SLC3A2: variants seen among roughly 807,000 people sequenced by gnomAD.
SLC3A2 encodes amino acid transporter heavy chain SLC3A2.
Under a neutral mutation model 48.5 loss-of-function variants are expected in SLC3A2, and 32 were observed. The ratio of observed to expected loss-of-function variants is 0.66; its 90% CI spans 0.50 to 0.89. The LOEUF is 0.89. Among genes scored for constraint, SLC3A2 ranks in the 40% least tolerant of loss-of-function variants. SLC3A2 has a pLI of 0.00. For missense variants in SLC3A2, 587 were observed against 680.7 expected, an observed-to-expected ratio of 0.86 and a Z score of 1.53; for synonymous variants, 277 against 288.8, an observed-to-expected ratio of 0.96 and a Z score of 0.41.
intron 7 of SLC3A2, among the ~76,000 whole-genome samples, chr11:62,886,258 T>C (rs572428483): frequency 7.1e-4 from 108 of 151,284 alleles, no homozygotes; most frequent in African/African-American, 2.4e-3. Context: ...CACTGCACTT[T>C]AGCCTGGGCG....
At position 62,881,461 on chromosome 11, in the gene SLC3A2, G is replaced by A; in HGVS notation, c.424+14G>A. 3 of 1,563,940 alleles carry A rather than the reference G, an allele frequency of 1.9e-6. No homozygotes were observed. Among genetic ancestry groups the A allele is most frequent in the Non-Finnish European group, 1.7e-6 (2 of 1,163,046 alleles). ...GCAACCTGGCGGGTGAGTGCAGCGC[G>A]CCCCCGTCCCGGGTACCTCCGGTTG... On this transcript the variant is annotated intron_variant, in intron 1 of 8. Coordinates refer to ENST00000338663, the MANE Select transcript of SLC3A2 (RefSeq NM_001013251.3). This position sits in a 1 kb window ranked among gnomAD's most constrained non-coding sequence, Gnocchi z 4.0.
intron 1 of SLC3A2, among the ~76,000 whole-genome samples, chr11:62,874,486 C>T (rs959076412): frequency 6.6e-6 from 1 of 152,130 alleles, no homozygotes; most frequent in Non-Finnish European, 1.5e-5. Flanking sequence ...TATTTCTCTT[C>T]TCCTAAGAGA....
In SLC3A2 at chr11:62,860,344, ACAAAAAAAAAATTAGC is replaced by A. The variant is rs570570510; in HGVS notation, c.112+3965_112+3980del. Among the ~76,000 whole-genome samples, 11 of 151,934 alleles carry A rather than the reference ACAAAAAAAAAATTAGC, an allele frequency of 7.2e-5. 1 individual carries two copies. The South Asian group carries it at 2.3e-3, about 32-fold the overall frequency. Reference sequence around the variant, plus strand: ...GTGAAACCCCGTCTCTACTAAAAATACAAAAAAAAAATTAGCCGGGTGTGATGGCGTGCGCCTGTAG... The same window carrying A: ...GTGAAACCCCGTCTCTACTAAAAATACGGGTGTGATGGCGTGCGCCTGTAG... On this transcript the variant is annotated intron_variant, in intron 1 of 9. Transcript: ENST00000377889.
rs778725527 is a variant in SLC3A2, at chr11:62,888,657, C to T, written c.1554C>T (p.His518=). The T allele has an allele frequency of 6.9e-6, 11 of 1,603,068 alleles. No individual in the cohort carries two copies. The Admixed American group carries it at 8.3e-5, about 12-fold the overall frequency. The change falls in exon 9 of 9, where the codon CAC becomes CAT. Residue 518 remains histidine (H), a synonymous_variant. Coordinates refer to ENST00000338663, the MANE Select transcript of SLC3A2 (RefSeq NM_001013251.3). ...LELERLKLEP[H]EGLLLRFPYA... ...TGGAACGCCTGAAACTGGAGCCTCACGAAGGGCTGCTGCTCCGCTTCCCCT... is the reference window on the plus strand; with the variant it reads ...TGGAACGCCTGAAACTGGAGCCTCATGAAGGGCTGCTGCTCCGCTTCCCCT...
At position 62,885,594 on chromosome 11, in the gene SLC3A2, G is replaced by A; in HGVS notation, c.1129G>A (p.Ala377Thr). The A allele has an allele frequency of 1.2e-6, 2 of 1,614,166 alleles. No homozygotes were observed. Among genetic ancestry groups the A allele is most frequent in the Non-Finnish European group, 1.7e-6 (2 of 1,179,996 alleles). The change falls in exon 7 of 9, where the codon GCC (alanine) becomes ACC (threonine). Residue 377 changes from alanine (A) to threonine (T), a missense_variant. Coordinates refer to ENST00000338663, the MANE Select transcript of SLC3A2 (RefSeq NM_001013251.3). ...GGATGAGATTGGCCTGGATGCAGCT[G>A]CCCTTCCTGGACAGGTACTGCTTGC... ...YGDEIGLDAA[A>T]LPGQPMEAPV... is the part of the protein sequence containing the mutation.
At chr11:62,871,520 G>C in intron 1 of SLC3A2, 1 of 562,516 alleles carries the variant, frequency 1.8e-6, no homozygotes, top group Non-Finnish European at 3.2e-6. Context: ...GATTACAGGC[G>C]TGAGCCACTG....
At chr11:62,880,811 G>C (rs2085622928), upstream of SLC3A2, 5 of 1,040,182 alleles carry the variant, frequency 4.8e-6, no homozygotes, top group East Asian at 5.5e-5. Flanking sequence ...CCCACGGCTG[G>C]GGCAGTCCCC....
rs1242311667 is a variant in SLC3A2 at position 62,881,921 on chromosome 11, C to T, written c.453C>T (p.Ser151=). The stretch of plus-strand genomic sequence containing the variant: ...TGAAGGGGCGTCTCGATTACCTGAG[C>T]TCTCTGAAGGTGAAGGGCCTTGTGC... The part of the protein sequence containing the change: ...AGLKGRLDYL[S]SLKVKGLVLG... Residue 151 remains serine (S), a synonymous_variant, in exon 2 of 9, where the codon AGC becomes AGT. Transcript: ENST00000338663. The surrounding 1 kb of genome is among the most constrained non-coding windows in gnomAD (Gnocchi z 4.0). 4 of 1,613,998 alleles carry T rather than the reference C, an allele frequency of 2.5e-6. No individual in the cohort carries two copies. The highest frequency in any genetic ancestry group is 2.7e-5 in the African/African-American group (2 of 74,896).
chr11:62,872,200 C>T (rs1293158135), intron 1 of SLC3A2, among the ~76,000 whole-genome samples: 1 of 152,192 alleles, frequency 6.6e-6, no homozygotes, highest in Non-Finnish European at 1.5e-5. Context: ...AGGCGTAAGC[C>T]ACTGCACCTG....
chr11:62,881,549 C>G lies in SLC3A2; in HGVS notation c.424+102C>G, dbSNP rs1312055756. ...AGACGGATCTAGATGGTTCTTCCCT[C>G]CATCCCGTACCGACGACTGTTCCCC... On this transcript the variant is annotated intron_variant, in intron 1 of 8. Transcript: ENST00000338663. The surrounding 1 kb of genome is among the most constrained non-coding windows in gnomAD (Gnocchi z 4.0). The G allele has an allele frequency of 1.4e-6, 2 of 1,424,878 alleles. No individual in the cohort carries two copies. Among genetic ancestry groups the G allele is most frequent in the East Asian group, 5.0e-5 (2 of 39,812 alleles). 88.3% of individuals were successfully genotyped at this position (1,424,878 alleles called of 1,614,324 possible). A position where few individuals can be genotyped will look rare whatever the true frequency, so the allele number is the denominator to read the frequency against.
chr11:62,870,361 T>C (rs1446223338), intron 1 of SLC3A2, among the ~76,000 whole-genome samples: 6 of 151,696 alleles, frequency 4.0e-5, no homozygotes, highest in African/African-American at 1.2e-4. Flanking sequence ...TTTGTATTTT[T>C]AGTAGAGATG....
chr11:62,876,810 C>T (rs778806373), upstream of SLC3A2: 30 of 576,638 alleles, frequency 5.2e-5, no homozygotes, highest in Admixed American at 1.5e-4. Flanking sequence ...CCATGTTAGC[C>T]AGGCTGATAT....
At chr11:62,882,344 T>A (rs892804287) in intron 2 of SLC3A2, 4 of 347,852 alleles carry the variant, frequency 1.1e-5, no homozygotes, top group Non-Finnish European at 2.1e-5. Flanking sequence ...TTTAAACTTG[T>A]AAAACAGTAG....
chr11:62,886,564 G>C (rs1231390727), intron 7 of SLC3A2: 1 of 151,992 alleles, frequency 6.6e-6, no homozygotes, highest in Non-Finnish European at 1.5e-5. Flanking sequence ...ATGTACCATA[G>C]ATAGGTGCGT....
intron 1 of SLC3A2, among the ~76,000 whole-genome samples, chr11:62,868,612 G>T (rs1590622256): frequency 6.6e-6 from 1 of 151,444 alleles, no homozygotes; most frequent in African/African-American, 2.4e-5. Flanking sequence ...TGATCTGCCC[G>T]CCTCGGCCTC....
Position 62,864,100 on chromosome 11 carries a change from G to A in SLC3A2, c.112+7719G>A, listed in dbSNP as rs118046320. On this transcript the variant is annotated intron_variant, in intron 1 of 9. Coordinates refer to the SLC3A2 transcript ENST00000377889. ...TCTGGATGTGACAGACACCACACCC[G>A]TGCATTCTTTTTGTCTTTAATGGTG... is the stretch of plus-strand genomic sequence containing the variant. 6.8e-4 allele frequency among the ~76,000 whole-genome samples: 104 copies of A among 152,210 alleles called. 2 individuals are homozygous for A. Among genetic ancestry groups the A allele is most frequent in the South Asian group, 2.7e-3 (13 of 4,824 alleles).
chr11:62,857,342 C>T (rs1054838250), intron 1 of SLC3A2, among the ~76,000 whole-genome samples: 1 of 151,684 alleles, frequency 6.6e-6, no homozygotes, highest in African/African-American at 2.4e-5. Flanking sequence ...CCAGGCTGCT[C>T]TCGAACTACT....
chr11:62,860,733 G>A (rs565821796), intron 1 of SLC3A2, among the ~76,000 whole-genome samples: 4 of 152,194 alleles, frequency 2.6e-5, no homozygotes, highest in Non-Finnish European at 5.9e-5. Flanking sequence ...TCTCAGTGGA[G>A]AGAAACCTTG....
At chr11:62,887,894 G>C in intron 7 of SLC3A2, 1 of 395,324 alleles carries the variant, frequency 2.5e-6, no homozygotes, top group Non-Finnish European at 4.7e-6. Flanking sequence ...CTGGGTTCAA[G>C]TGATCCTCCC....
Sources: gnomAD v4.1 joint callset for allele counts (sites outside exome capture counted in the v4.1 genomes callset) on GRCh38, gnomAD v4.1.1 for gene constraint, Gnocchi (gnomAD v3.1) non-coding constraint, MANE v1.5 for transcripts, NCBI Gene and HGNC (gene_info 2026-07-23, HGNC 2026-07-21) for gene names.